Variants in CDRT4 observed in about 807,000 individuals in gnomAD.
CDRT4 encodes the protein CMT1A duplicated region transcript 4.
For synonymous variants in CDRT4, 64 were observed against 69.6 expected (o/e 0.92, Z 0.40); for missense variants, 167 against 193.1 (o/e 0.87, Z 0.80).
In CDRT4 at chr17:15,436,457, G is replaced by A. The variant is rs763562364; in HGVS notation, c.*1316C>T. 1 of 152,198 alleles carries A rather than the reference G, an allele frequency of 6.6e-6. No individual in the cohort carries two copies. The highest frequency in any genetic ancestry group is 2.1e-4 in the South Asian group (1 of 4,826). The allele number at this position is 152,198 out of a possible 1,614,324, so 9.4% of individuals were successfully genotyped here. On this transcript the variant is annotated 3_prime_UTR_variant, in exon 4 of 4. Coordinates refer to ENST00000619038, the MANE Select transcript of CDRT4 (RefSeq NM_001204477.2). ...TAAACCCCAAACATGAAACCAGCTG[G>A]GTCAGCCTGTCATAATTGGATCCCT...
chr17:15,449,458 C>T (rs372750201), intron 2 of CDRT4, among the ~76,000 whole-genome samples: 1 of 152,324 alleles, frequency 6.6e-6, no homozygotes, highest in South Asian at 2.1e-4. Context: ...CACACACTTG[C>T]TCCTCTATCT....
rs1282323550 is a variant in CDRT4, at chr17:15,464,823, G to A, written c.-130+2637C>T. Among the ~76,000 whole-genome samples the A allele has an allele frequency of 6.6e-6, 1 of 152,104 alleles. No homozygotes were observed. The highest frequency in any genetic ancestry group is 1.5e-5 in the Non-Finnish European group (1 of 68,024). ...TTGCTCTTTCACTCACTCCAGCCTG[G>A]CATCCACACTCGCAGCTCTGCTGAC... On this transcript the variant is annotated intron_variant, in intron 1 of 3. Coordinates refer to ENST00000619038, the MANE Select transcript of CDRT4 (RefSeq NM_001204477.2). The surrounding 1 kb of genome is among the most constrained non-coding windows in gnomAD (Gnocchi z 4.5).
chr17:15,439,054 C>T, intron 3 of CDRT4: 1 of 453,424 alleles, frequency 2.2e-6, no homozygotes, highest in Non-Finnish European at 4.4e-6. Context: ...CTTTACAGAT[C>T]CAAAATCATG....
intron 2 of CDRT4, among the ~76,000 whole-genome samples, chr17:15,452,320 G>A (rs1310493169): frequency 6.6e-6 from 1 of 152,212 alleles, no homozygotes; most frequent in African/African-American, 2.4e-5. Context: ...TGAAGATTGA[G>A]TGCAGCATTG....
intron 2 of CDRT4, among the ~76,000 whole-genome samples, chr17:15,441,920 GTCA>G (rs1171815205): frequency 1.3e-5 from 2 of 152,078 alleles, no homozygotes; most frequent in Non-Finnish European, 2.9e-5. Flanking sequence ...AAAGTTTCAT[GTCA>G]TCATTTTTTT....
intron 1 of CDRT4, among the ~76,000 whole-genome samples, chr17:15,458,518 G>C (rs953350032): frequency 6.6e-6 from 1 of 152,064 alleles, no homozygotes; most frequent in Non-Finnish European, 1.5e-5. Flanking sequence ...TCAGTAGCGG[G>C]GCTGCTGGGC....
At chr17:15,440,408 C>A (rs1358189532) in intron 2 of CDRT4, 123 bp from the exon 3 acceptor site, 6 of 1,103,148 alleles carry the variant, frequency 5.4e-6, no homozygotes, top group African/African-American at 1.6e-5. Flanking sequence ...TGACTCCACC[C>A]CCTGAGAAGA....
At chr17:15,447,867 T>C (rs1486190680) in intron 2 of CDRT4, among the ~76,000 whole-genome samples, 2 of 152,148 alleles carry the variant, frequency 1.3e-5, no homozygotes, top group African/African-American at 2.4e-5. Context: ...ACTGGCAGAC[T>C]GGACAAGTAA....
intron 2 of CDRT4, chr17:15,452,686 A>G (rs986648365): frequency 1.3e-5 from 2 of 152,138 alleles, no homozygotes; most frequent in Admixed American, 6.5e-5. Flanking sequence ...TACACCCTTC[A>G]TATCTCCTTC....
chr17:15,463,104 T>C (rs1402923176), intron 1 of CDRT4, among the ~76,000 whole-genome samples: 1 of 151,950 alleles, frequency 6.6e-6, no homozygotes, highest in Non-Finnish European at 1.5e-5. Context: ...TATGCATGCG[T>C]GTGTGGGTGT....
At position 15,438,956 on chromosome 17, in the gene CDRT4, T is replaced by C. The variant is rs138001471; in HGVS notation, c.32-756A>G. 3.9e-5 allele frequency among the ~76,000 whole-genome samples: 6 copies of C among 152,276 alleles called. No individual in the cohort carries two copies. The East Asian group carries it at 1.2e-3, about 29-fold the overall frequency. ...TCAAAAAAACCAAAGCTTTTCACTATGGTTGCTGGCCAGAAGTTTGGGGTG... is the reference window on the plus strand; with the variant it reads ...TCAAAAAAACCAAAGCTTTTCACTACGGTTGCTGGCCAGAAGTTTGGGGTG... On this transcript the variant is annotated intron_variant, in intron 3 of 3. Transcript: ENST00000619038.
intron 2 of CDRT4, among the ~76,000 whole-genome samples, chr17:15,451,793 A>G (rs565761381): frequency 1.4e-4 from 22 of 152,222 alleles, no homozygotes; most frequent in Admixed American, 1.4e-3. Flanking sequence ...AGTCACTATC[A>G]CATCTCCTAT....
intron 2 of CDRT4, among the ~76,000 whole-genome samples, chr17:15,446,738 G>A (rs1383451282): frequency 6.6e-6 from 1 of 152,162 alleles, no homozygotes. Flanking sequence ...AGTCTGATCA[G>A]AATTGCTCAT....
rs1211459511 is a variant in CDRT4 at position 15,453,651 on chromosome 17, T to TTCAGTATCTGAAGACGGCAATTG, written c.-129-589_-129-567dup. ...TTCTGCAATATTATTGTGTATGGAT[T>TTCAGTATCTGAAGACGGCAATTG]TCAGTATCTGAAGACGGCAATTGAT... is the stretch of plus-strand genomic sequence containing the variant. On this transcript the variant is annotated intron_variant, in intron 1 of 3. Coordinates refer to ENST00000619038, the MANE Select transcript of CDRT4 (RefSeq NM_001204477.2). Among the ~76,000 whole-genome samples the TTCAGTATCTGAAGACGGCAATTG allele has an allele frequency of 4.6e-5, 7 of 152,300 alleles. 1 individual carries two copies. The highest frequency in any genetic ancestry group is 1.7e-4 in the African/African-American group (7 of 41,564).
In CDRT4 at chr17:15,442,208, C is replaced by T. The variant is rs13380826; in HGVS notation, c.-47-1923G>A. Among the ~76,000 whole-genome samples the T allele has an allele frequency of 7.2e-3, 1,102 of 152,148 alleles. 21 individuals are homozygous for T. Among genetic ancestry groups the T allele is most frequent in the African/African-American group, 0.025 (1,050 of 41,518 alleles). Reference sequence around the variant, plus strand: ...GGCGGATCACCTGAGGTTGGGAGTTCGAGATCAGCCTGGCTAACATGGTGA... The same window carrying T: ...GGCGGATCACCTGAGGTTGGGAGTTTGAGATCAGCCTGGCTAACATGGTGA... On this transcript the variant is annotated intron_variant, in intron 2 of 3. Transcript: ENST00000619038.
chr17:15,439,194 T>G (rs1202519359), intron 3 of CDRT4: 11 of 455,896 alleles, frequency 2.4e-5, no homozygotes, highest in South Asian at 1.7e-4. Flanking sequence ...AATTCTATAT[T>G]TCTTTGGTCA....
Position 15,443,852 on chromosome 17 carries a change from T to G in CDRT4, c.-47-3567A>C, listed in dbSNP as rs926822455. The stretch of plus-strand genomic sequence containing the variant: ...GCTACCGTTTGGACTATTTTACTCA[T>G]GTACAGAACATGATCAAGGGTGTCA... On this transcript the variant is annotated intron_variant, in intron 2 of 3. Transcript: ENST00000619038. 4 of 589,734 alleles carry G rather than the reference T, an allele frequency of 6.8e-6. No homozygotes were observed. In the African/African-American group the frequency reaches 7.4e-5, roughly 11 times the overall value. The allele number at this position is 589,734 out of a possible 1,614,324, so 36.5% of individuals were successfully genotyped here. A position where few individuals can be genotyped will look rare whatever the true frequency, so the allele number is the denominator to read the frequency against.
intron 1 of CDRT4, among the ~76,000 whole-genome samples, chr17:15,460,504 C>T (rs1310948420): frequency 1.3e-5 from 2 of 152,074 alleles, no homozygotes; most frequent in South Asian, 2.1e-4. Context: ...TGGATTATTC[C>T]CTCTTACAGA....
At chr17:15,454,228 C>T (rs1449032541) in intron 1 of CDRT4, among the ~76,000 whole-genome samples, 1 of 152,120 alleles carries the variant, frequency 6.6e-6, no homozygotes, top group Non-Finnish European at 1.5e-5. Context: ...TTTTCACATC[C>T]CAAGAGTCCT....
Sources: gnomAD v4.1 joint callset for allele counts (sites outside exome capture counted in the v4.1 genomes callset) on GRCh38, gnomAD v4.1.1 for gene constraint, Gnocchi (gnomAD v3.1) non-coding constraint, MANE v1.5 for transcripts, NCBI Gene and HGNC (gene_info 2026-07-23, HGNC 2026-07-21) for gene names.